The following SDK1 variants were observed in gnomAD, a reference collection of about 807,000 sequenced individuals.
SDK1 encodes the protein sidekick cell adhesion molecule 1.
Under a neutral mutation model 245.5 loss-of-function variants are expected in SDK1, and 157 were observed. The ratio of observed to expected loss-of-function variants is 0.64; its 90% confidence interval spans 0.56 to 0.73. The LOEUF is 0.73. Among genes scored for constraint, SDK1 ranks in the 30% least tolerant of loss-of-function variants. The probability of loss-of-function intolerance (pLI) is 0.00; values close to 1 mark genes in which losing one functional copy is unlikely to be tolerated. For missense variants in SDK1, 3,583 were observed against 3,002.3 expected (o/e 1.19, Z -4.52); for synonymous variants, 1,647 against 1,278.5 (o/e 1.29, Z -6.15).
At chr7:4,097,117 G>C (rs1782201909) in intron 22 of SDK1, among the ~76,000 whole-genome samples, 1 of 152,268 alleles carries the variant, frequency 6.6e-6, no homozygotes. Context: ...GCTTCACCCA[G>C]CTGGGCAGAG....
chr7:3,573,199 G>T (rs1017455711), intron 1 of SDK1, among the ~76,000 whole-genome samples: 1 of 152,120 alleles, frequency 6.6e-6, no homozygotes, highest in Admixed American at 6.5e-5. Flanking sequence ...CCTGGTCTCA[G>T]AGTGGAGACT....
At chr7:3,947,327 T>A (rs1416472202) in intron 5 of SDK1, among the ~76,000 whole-genome samples, 1 of 152,210 alleles carries the variant, frequency 6.6e-6, no homozygotes, top group Non-Finnish European at 1.5e-5. Flanking sequence ...ACATTTAAAT[T>A]CTGTTTCCTA....
chr7:3,869,100 C>G (rs10277254), intron 5 of SDK1, among the ~76,000 whole-genome samples: 2 of 148,984 alleles, frequency 1.3e-5, no homozygotes, highest in African/African-American at 4.9e-5. Context: ...TTTTTTCCCC[C>G]AAAAAAGAGG....
chr7:4,122,074 C>T (rs1416476869), intron 25 of SDK1, among the ~76,000 whole-genome samples: 1 of 152,112 alleles, frequency 6.6e-6, no homozygotes, highest in East Asian at 1.9e-4. Context: ...GGTGCTCCAT[C>T]TCTGCCCGTC....
chr7:3,344,156 G>A (rs751548643), intron 1 of SDK1, among the ~76,000 whole-genome samples: 2 of 152,108 alleles, frequency 1.3e-5, no homozygotes, highest in African/African-American at 4.8e-5. Flanking sequence ...AAAATCTACA[G>A]AATTAAATGT....
chr7:4,247,119 G>A (rs990948138), intron 44 of SDK1, among the ~76,000 whole-genome samples: 3 of 152,162 alleles, frequency 2.0e-5, no homozygotes, highest in Admixed American at 6.5e-5. Context: ...GGCCTGCCCC[G>A]CCTCCTGGCA....
intron 5 of SDK1, among the ~76,000 whole-genome samples, chr7:3,895,934 G>A (rs1403968607): frequency 6.6e-6 from 1 of 151,970 alleles, no homozygotes; most frequent in Non-Finnish European, 1.5e-5. Context: ...TTCTGCGGTG[G>A]CCAGAAAACA....
intron 1 of SDK1, among the ~76,000 whole-genome samples, chr7:3,512,313 T>C (rs938634982): frequency 6.6e-6 from 1 of 152,228 alleles, no homozygotes; most frequent in African/African-American, 2.4e-5. Context: ...TTGTTTTCAG[T>C]GCTGAGTAAT....
At chr7:3,360,582 C>G (rs770681330) in intron 1 of SDK1, among the ~76,000 whole-genome samples, 2 of 152,120 alleles carry the variant, frequency 1.3e-5, no homozygotes, top group African/African-American at 4.8e-5. Flanking sequence ...ATGAAAGATA[C>G]AAATGTTTCT....
At chr7:4,251,536 T>G (rs1321307835) in intron 44 of SDK1, among the ~76,000 whole-genome samples, 2 of 152,218 alleles carry the variant, frequency 1.3e-5, no homozygotes, top group African/African-American at 2.4e-5. Flanking sequence ...TACTGCTGAT[T>G]AGAAACTCAC....
At chr7:3,912,524 G>A (rs920069226) in intron 5 of SDK1, among the ~76,000 whole-genome samples, 15 of 152,150 alleles carry the variant, frequency 9.9e-5, no homozygotes, top group African/African-American at 1.4e-4. Context: ...ATATTTATCC[G>A]GGGAAGAGGT....
chr7:4,069,139 G>A (rs1055740463), intron 20 of SDK1, among the ~76,000 whole-genome samples: 1 of 152,170 alleles, frequency 6.6e-6, no homozygotes, highest in African/African-American at 2.4e-5. Flanking sequence ...GATGAGGCTG[G>A]GCAGGGCCCC....
intron 1 of SDK1, among the ~76,000 whole-genome samples, chr7:3,397,143 T>C (rs1050736671): frequency 6.6e-6 from 1 of 151,986 alleles, no homozygotes; most frequent in African/African-American, 2.4e-5. Flanking sequence ...TTTTTTGCCT[T>C]ATAAATTATG....
Position 4,100,586 on chromosome 7 carries a change from C to T in SDK1, c.3325-10077C>T, listed in dbSNP as rs193057528. On this transcript the variant is annotated intron_variant, in intron 22 of 44. Transcript: ENST00000404826. ...AATGCGATGAGTGCCCCTCTCCTTC[C>T]ACCACGTGAGGACACAGGGGCATTT... 1.5e-4 allele frequency among the ~76,000 whole-genome samples: 23 copies of T among 152,236 alleles called. No individual in the cohort carries two copies. In the East Asian group the frequency reaches 3.9e-3, roughly 26 times the overall value.
At position 3,924,277 on chromosome 7, in the gene SDK1, A is replaced by G. The variant is rs183729557; in HGVS notation, c.848-26646A>G. On this transcript the variant is annotated intron_variant, in intron 5 of 44. Coordinates refer to ENST00000404826, the MANE Select transcript of SDK1 (RefSeq NM_152744.4). ...GCGTGGAAGGAGAGGATGAGTTAGG[A>G]TGGCTCAGTTCATTCAGTTACAGTG... 3.8e-3 allele frequency among the ~76,000 whole-genome samples: 581 copies of G among 152,202 alleles called. 3 individuals are homozygous for G. Among genetic ancestry groups the G allele is most frequent in the African/African-American group, 0.013 (551 of 41,526 alleles).
At chr7:3,748,124 A>G (rs1188748983) in intron 4 of SDK1, among the ~76,000 whole-genome samples, 1 of 152,222 alleles carries the variant, frequency 6.6e-6, no homozygotes, top group Non-Finnish European at 1.5e-5. Context: ...AAATGATGAC[A>G]TAATAGTTAA....
intron 35 of SDK1, among the ~76,000 whole-genome samples, chr7:4,195,234 G>A (rs1383202615): frequency 1.3e-5 from 2 of 152,128 alleles, no homozygotes; most frequent in Non-Finnish European, 2.9e-5. Context: ...TACTCTTCTA[G>A]CAACTCTGAA....
At chr7:4,239,923 A>T (rs1409038422) in intron 42 of SDK1, among the ~76,000 whole-genome samples, 1 of 152,160 alleles carries the variant, frequency 6.6e-6, no homozygotes, top group African/African-American at 2.4e-5. Context: ...CCTGACCCCG[A>T]CCACAAGTCC....
chr7:3,877,214 G>A (rs556898053), intron 5 of SDK1, among the ~76,000 whole-genome samples: 1 of 152,296 alleles, frequency 6.6e-6, no homozygotes, highest in Admixed American at 6.5e-5. Flanking sequence ...CTGGCCCATG[G>A]CAGCTGAGCG....
Sources: gnomAD v4.1 joint callset for allele counts (sites outside exome capture counted in the v4.1 genomes callset) on GRCh38, gnomAD v4.1.1 for gene constraint, MANE v1.5 for transcripts, NCBI Gene and HGNC (gene_info 2026-07-23, HGNC 2026-07-21) for gene names.